The following NALF1 variants were observed in gnomAD, a reference collection of about 807,000 sequenced individuals.
NALF1 encodes the protein NALCN channel auxiliary factor 1.
Under a neutral mutation model 48.4 loss-of-function variants are expected in NALF1, and 3 were observed. The observed-to-expected ratio is 0.06, with a 90% confidence interval of 0.03 to 0.16. The LOEUF (loss-of-function observed/expected upper bound fraction) is 0.16. NALF1 is among the 10% of genes least tolerant of loss of function. The probability of loss-of-function intolerance (pLI) is 1.00; values close to 1 mark genes in which losing one functional copy is unlikely to be tolerated. For missense variants in NALF1, 526 were observed against 571.5 expected (o/e 0.92, Z 0.81); for synonymous variants, 262 against 245.7 (o/e 1.07, Z -0.62).
intron 1 of NALF1, among the ~76,000 whole-genome samples, chr13:107,720,807 T>A (rs1875960925): frequency 6.6e-6 from 1 of 152,262 alleles, no homozygotes; most frequent in Admixed American, 6.5e-5. Context: ...GAAGGTAGTG[T>A]TTACTCCTTC....
Position 107,487,941 on chromosome 13 carries a change from A to G in NALF1, c.916-277186T>C, listed in dbSNP as rs1465196250. On this transcript the variant is annotated intron_variant, in intron 1 of 2. Transcript: ENST00000375915. ...TTGGTGGTAGGCTATCACTGCCTCA[A>G]TTTCAGAACTCATTATTGGTCTGTC... Among the ~76,000 whole-genome samples the G allele has an allele frequency of 7.3e-5, 11 of 150,686 alleles. 1 individual carries two copies. The highest frequency in any genetic ancestry group is 4.0e-4 in the Admixed American group (6 of 15,136).
intron 1 of NALF1, among the ~76,000 whole-genome samples, chr13:107,566,516 A>G (rs990379830): frequency 6.6e-6 from 1 of 152,132 alleles, no homozygotes; most frequent in Non-Finnish European, 1.5e-5. Context: ...TAAGCAGCCA[A>G]CGTGATCCAA....
In NALF1 at chr13:107,170,554, G is replaced by A. The variant is rs1242270451; in HGVS notation, c.1320C>T (p.Ala440=). ...VLTASAAQNT[A]GLSFGGINTL... ...TGTTGATGCCTCCAAAGCTCAGTCC[G>A]GCTGTGTTCTGTGCTGCCGAGGCTG... is the stretch of plus-strand genomic sequence containing the variant. The change falls in exon 3 of 3, where the codon GCC becomes GCT. Residue 440 remains alanine, a synonymous_variant. Transcript: ENST00000375915. 1.1e-5 allele frequency: 18 copies of A among 1,613,760 alleles called. No homozygotes were observed. Among genetic ancestry groups the A allele is most frequent in the Admixed American group, 3.3e-5 (2 of 59,992 alleles).
intron 1 of NALF1, among the ~76,000 whole-genome samples, chr13:107,810,453 C>T (rs989788593): frequency 2.6e-5 from 4 of 152,090 alleles, no homozygotes; most frequent in Admixed American, 2.6e-4. Flanking sequence ...CCATAACTAC[C>T]TGTCATCACC....
chr13:107,464,438 C>T (rs1884967200), intron 1 of NALF1, among the ~76,000 whole-genome samples: 1 of 152,140 alleles, frequency 6.6e-6, no homozygotes. Context: ...ACTGTGAGCT[C>T]TCAATTACTG....
intron 1 of NALF1, among the ~76,000 whole-genome samples, chr13:107,752,976 C>T (rs1876981306): frequency 6.6e-6 from 1 of 152,186 alleles, no homozygotes; most frequent in African/African-American, 2.4e-5. Flanking sequence ...GTGTTACCAA[C>T]TTTGTTGTTA....
intron 1 of NALF1, among the ~76,000 whole-genome samples, chr13:107,235,818 G>A (rs754698724): frequency 1.3e-5 from 2 of 152,082 alleles, no homozygotes; most frequent in Non-Finnish European, 2.9e-5. Flanking sequence ...AGAATTACAC[G>A]AAATCACAAA....
intron 1 of NALF1, among the ~76,000 whole-genome samples, chr13:107,613,339 G>C (rs1879291077): frequency 6.6e-6 from 1 of 152,174 alleles, no homozygotes; most frequent in Non-Finnish European, 1.5e-5. Flanking sequence ...TTGGCAGGTA[G>C]GCGGCCTCCG....
At chr13:107,397,826 T>TA (rs1313750961) in intron 1 of NALF1, among the ~76,000 whole-genome samples, 1 of 152,174 alleles carries the variant, frequency 6.6e-6, no homozygotes, top group Non-Finnish European at 1.5e-5. Flanking sequence ...AGTTGAATAT[T>TA]AATCTATCTT....
At chr13:107,269,913 A>ATTTTTTTTTTTT (rs71121514) in intron 1 of NALF1, among the ~76,000 whole-genome samples, 45 of 89,046 alleles carry the variant, frequency 5.1e-4, no homozygotes, top group Middle Eastern at 7.6e-3. Context: ...CGCCCGGCTA[A>ATTTTTTTTTTTT]TTTTTTTTTT....
chr13:107,319,811 C>T (rs542136604), intron 1 of NALF1, among the ~76,000 whole-genome samples: 57 of 152,166 alleles, frequency 3.7e-4, no homozygotes, highest in African/African-American at 1.3e-3. Context: ...ATTCTACCTC[C>T]CCTCAGACTC....
At chr13:107,756,444 T>TATATAC (rs1877096700) in intron 1 of NALF1, among the ~76,000 whole-genome samples, 1 of 150,606 alleles carries the variant, frequency 6.6e-6, no homozygotes, top group African/African-American at 2.4e-5. Context: ...GCTATATATA[T>TATATAC]ATATATATAT....
chr13:107,325,887 TACAC>T (rs1555332567), intron 1 of NALF1, among the ~76,000 whole-genome samples: 110 of 58,900 alleles, frequency 1.9e-3, no homozygotes, highest in African/African-American at 5.0e-3. Context: ...TATATATATA[TACAC>T]ACACACACAC....
At chr13:107,609,484 G>C in intron 1 of NALF1, among the ~76,000 whole-genome samples, 1 of 152,120 alleles carries the variant, frequency 6.6e-6, no homozygotes, top group East Asian at 1.9e-4. Context: ...TGCTCTCAAG[G>C]GGCTGCTTTT....
chr13:107,177,108 AG>A (rs1878955653), intron 2 of NALF1, among the ~76,000 whole-genome samples: 1 of 152,130 alleles, frequency 6.6e-6, no homozygotes, highest in Admixed American at 6.5e-5. Context: ...AAATAAAGAA[AG>A]TTATCCCATT....
intron 1 of NALF1, among the ~76,000 whole-genome samples, chr13:107,249,512 A>C (rs879261421): frequency 6.6e-6 from 1 of 152,110 alleles, no homozygotes; most frequent in Non-Finnish European, 1.5e-5. Flanking sequence ...AAAAATATTT[A>C]GTGAGTGACC....
chr13:107,311,393 T>A (rs1339086344), intron 1 of NALF1, among the ~76,000 whole-genome samples: 1 of 152,146 alleles, frequency 6.6e-6, no homozygotes, highest in Non-Finnish European at 1.5e-5. Context: ...AACTGTCAGA[T>A]CTTAAAACAT....
chr13:107,644,594 C>T (rs1880253553), intron 1 of NALF1, among the ~76,000 whole-genome samples: 1 of 137,502 alleles, frequency 7.3e-6, no homozygotes, highest in Admixed American at 7.7e-5. Flanking sequence ...GAAAAAAATA[C>T]CTTTAAAAAA....
At chr13:107,305,812 G>A (rs749447845) in intron 1 of NALF1, among the ~76,000 whole-genome samples, 1 of 152,142 alleles carries the variant, frequency 6.6e-6, no homozygotes, top group Non-Finnish European at 1.5e-5. Context: ...ATAATCAAAG[G>A]TAGAAACATA....
Sources: allele counts gnomAD v4.1 joint callset (sites outside exome capture counted in the v4.1 genomes callset), GRCh38; gene constraint gnomAD v4.1.1; transcripts MANE v1.5; gene names NCBI Gene and HGNC (gene_info 2026-07-23, HGNC 2026-07-21).